The following PLEKHA6 variants were observed in gnomAD, a reference collection of about 807,000 sequenced individuals.
PLEKHA6 encodes pleckstrin homology domain containing A6.
In PLEKHA6, 60 loss-of-function variants were observed where a neutral mutation model predicts 116.7. The ratio of observed to expected loss-of-function variants is 0.51; its 90% CI spans 0.42 to 0.64. PLEKHA6 has a LOEUF of 0.64. Among genes scored for constraint, PLEKHA6 ranks in the 30% least tolerant of loss-of-function variants. The pLI is 0.00. For synonymous variants in PLEKHA6, 489 were observed against 556.1 expected (o/e 0.88, Z 1.70); for missense variants, 1,338 against 1,422.7 (o/e 0.94, Z 0.96).
chr1:204,261,283 A>G lies in PLEKHA6; in HGVS notation c.524+23T>C. 3 of 1,613,698 alleles carry G rather than the reference A, an allele frequency of 1.9e-6. No homozygotes were observed. The highest frequency in any genetic ancestry group is 2.5e-6 in the Non-Finnish European group (3 of 1,179,752). ...CCCTCTTTATTCTTCCTGCACCCCCACACTCAATTCCCTGGCACTCACCTG... is the reference window on the plus strand; with the variant it reads ...CCCTCTTTATTCTTCCTGCACCCCCGCACTCAATTCCCTGGCACTCACCTG... On this transcript the variant is annotated intron_variant, in intron 7 of 22. Transcript: ENST00000272203. This position sits in a 1 kb window ranked among gnomAD's most constrained non-coding sequence, Gnocchi z 4.0.
intron 1 of PLEKHA6, among the ~76,000 whole-genome samples, chr1:204,322,078 C>G (rs369105285): frequency 6.6e-6 from 1 of 152,236 alleles, no homozygotes; most frequent in Non-Finnish European, 1.5e-5. Context: ...CTTAGCTAGT[C>G]CTCGAATTAA....
intron 1 of PLEKHA6, chr1:204,280,481 CA>C: frequency 2.0e-6 from 2 of 984,246 alleles, no homozygotes; most frequent in Non-Finnish European, 2.4e-6. Context: ...CAAGCTGCTT[CA>C]TTTCCATAGC....
At position 204,330,266 on chromosome 1, in the gene PLEKHA6, C is replaced by T. The variant is rs569887161; in HGVS notation, c.-95+29428G>A. 5.9e-5 allele frequency among the ~76,000 whole-genome samples: 9 copies of T among 152,198 alleles called. No homozygotes were observed. In the South Asian group the frequency reaches 1.0e-3, roughly 18 times the overall value. On this transcript the variant is annotated intron_variant, in intron 1 of 22. Transcript: ENST00000272203. Reference sequence around the variant, plus strand: ...TGCCCGCCTTGACCTCCCCAAGTGCCGGGATTACAAGCATGAGCCACTGCA... The same window carrying T: ...TGCCCGCCTTGACCTCCCCAAGTGCTGGGATTACAAGCATGAGCCACTGCA...
intron 17 of PLEKHA6, among the ~76,000 whole-genome samples, chr1:204,237,251 A>G (rs1017002547): frequency 6.6e-6 from 1 of 152,230 alleles, no homozygotes; most frequent in South Asian, 2.1e-4. Context: ...TGGCATAGAT[A>G]TACTTAGCAG....
rs1201608543 is a variant in PLEKHA6, at chr1:204,261,361, C to T, written c.469G>A (p.Ala157Thr). The change falls in exon 7 of 23, where the codon GCT becomes ACT. Residue 157 changes from alanine (A) to threonine (T), a missense_variant. Physicochemically the swap from Ala to Thr is moderately conservative, Grantham distance 58. Transcript: ENST00000272203. The surrounding 1 kb of genome is among the most constrained non-coding windows in gnomAD (Gnocchi z 4.0). ...TGGGCTGGAGGGATCTGTACTCGAG[C>T]AGCCTCCCCCATGGCCTGGATCCAG... ...EAWIQAMGEA[A>T]RVQIPPAQKS... The T allele has an allele frequency of 2.5e-6, 4 of 1,614,190 alleles. No individual in the cohort carries two copies. Among genetic ancestry groups the T allele is most frequent in the Middle Eastern group, 1.6e-4 (1 of 6,062 alleles).
intron 1 of PLEKHA6, chr1:204,309,620 A>C: frequency 4.7e-6 from 2 of 426,008 alleles, no homozygotes. Flanking sequence ...ATGACAACAA[A>C]CTTGCCTAAA....
chr1:204,307,893 C>T (rs1671453940), intron 1 of PLEKHA6: 1 of 985,248 alleles, frequency 1.0e-6, no homozygotes, highest in African/African-American at 1.7e-5. Flanking sequence ...AGGATCGAGG[C>T]AATAAGGGCA....
In PLEKHA6 at chr1:204,230,587, C is replaced by A; in HGVS notation, c.2410-1G>T. 1.3e-6 allele frequency: 2 copies of A among 1,598,144 alleles called. No homozygotes were observed. Among genetic ancestry groups the A allele is most frequent in the Non-Finnish European group, 8.5e-7 (1 of 1,172,532 alleles). Reference sequence around the variant, plus strand: ...GAAACACAGCACTCTTGGGGCGTTCCTGCTGCCATGGGAAAACAGGGCTCT... The same window carrying A: ...GAAACACAGCACTCTTGGGGCGTTCATGCTGCCATGGGAAAACAGGGCTCT... On this transcript the variant is annotated splice_acceptor_variant, in intron 17 of 22. Coordinates refer to ENST00000272203, the MANE Select transcript of PLEKHA6 (RefSeq NM_014935.5). LOFTEE classifies it high-confidence loss of function.
chr1:204,332,612 C>T (rs932619322), intron 1 of PLEKHA6, among the ~76,000 whole-genome samples: 3 of 152,172 alleles, frequency 2.0e-5, no homozygotes, highest in African/African-American at 7.2e-5. Flanking sequence ...GAACTCTTGA[C>T]CTCGTGATCC....
intron 12 of PLEKHA6, 93 bp downstream of exon 12, chr1:204,248,728 A>G (rs1034243989): frequency 3.3e-6 from 4 of 1,206,600 alleles, no homozygotes; most frequent in Admixed American, 1.9e-5. Flanking sequence ...TCCTCTGAGG[A>G]AAACTGGACT....
intron 9 of PLEKHA6, chr1:204,255,728 G>A (rs1402939055): frequency 1.4e-6 from 1 of 699,494 alleles, no homozygotes; most frequent in East Asian, 2.7e-5. Flanking sequence ...CAAACAAACA[G>A]GAACACACAA....
chr1:204,232,322 G>A (rs1037618463), intron 17 of PLEKHA6, among the ~76,000 whole-genome samples: 2 of 152,110 alleles, frequency 1.3e-5, no homozygotes, highest in Non-Finnish European at 1.5e-5. Flanking sequence ...TTTTTATTTG[G>A]GAGGTTCTCA....
intron 1 of PLEKHA6, among the ~76,000 whole-genome samples, chr1:204,296,277 G>T (rs1300944937): frequency 6.6e-6 from 1 of 152,086 alleles, no homozygotes. Flanking sequence ...TGGCCTCCTG[G>T]TTCCCGTCTC....
At chr1:204,288,476 T>C (rs1669424287) in intron 1 of PLEKHA6, among the ~76,000 whole-genome samples, 1 of 152,182 alleles carries the variant, frequency 6.6e-6, no homozygotes, top group Admixed American at 6.5e-5. Context: ...GATGCCCAAT[T>C]GGATGAGCCC....
rs10567692 is a variant in PLEKHA6, at chr1:204,276,637, G to GACACACACAC, written c.-94-1838_-94-1829dup. Among the ~76,000 whole-genome samples the GACACACACAC allele has an allele frequency of 8.0e-5, 11 of 136,828 alleles. No homozygotes were observed. The South Asian group carries it at 1.6e-3, about 19-fold the overall frequency. The allele number at this position is 136,828 out of a possible 152,430, so 89.8% of individuals were successfully genotyped here. A position where few individuals can be genotyped will look rare whatever the true frequency, so the allele number is the denominator to read the frequency against. On this transcript the variant is annotated intron_variant, in intron 1 of 22. Coordinates refer to ENST00000272203, the MANE Select transcript of PLEKHA6 (RefSeq NM_014935.5). ...AATCTTCCCTGCAGGCACTGGCACAGACACACACACACACACACACACACA... is the reference window on the plus strand; with the variant it reads ...AATCTTCCCTGCAGGCACTGGCACAGACACACACACACACACACACACACACACACACACA...
chr1:204,221,050 TG>T lies in PLEKHA6; in HGVS notation c.*1737del, dbSNP rs1460899878. 1 of 152,222 alleles carries T rather than the reference TG, an allele frequency of 6.6e-6. No individual in the cohort carries two copies. The highest frequency in any genetic ancestry group is 2.1e-4 in the South Asian group (1 of 4,824). 9.4% of individuals were successfully genotyped at this position (152,222 alleles called of 1,614,324 possible). Reference sequence around the variant, plus strand: ...GTCTGCAGGGGAGAAAGGGCAGGTTTGGGGTGCTTGAACTGTGAAGATGGGA... The same window carrying T: ...GTCTGCAGGGGAGAAAGGGCAGGTTTGGGTGCTTGAACTGTGAAGATGGGA... On this transcript the variant is annotated 3_prime_UTR_variant, in exon 23 of 23. Transcript: ENST00000272203.
rs1442335585 is a variant in PLEKHA6 at position 204,301,358 on chromosome 1, A to G, written c.-94-26549T>C. 4.1e-6 allele frequency: 4 copies of G among 966,404 alleles called. No homozygotes were observed. The African/African-American group carries it at 7.0e-5, about 17-fold the overall frequency. The allele number at this position is 966,404 out of a possible 1,614,324, so 59.9% of individuals were successfully genotyped here. A position where few individuals can be genotyped will look rare whatever the true frequency, so the allele number is the denominator to read the frequency against. ...CTGGGAATGCATGTTGGCATGGGAC[A>G]GGGGAGAGGATTCAAAGAACAGCTC... On this transcript the variant is annotated intron_variant, in intron 1 of 22. Transcript: ENST00000272203.
chr1:204,248,020 A>G (rs1414390713), intron 12 of PLEKHA6, among the ~76,000 whole-genome samples: 1 of 151,614 alleles, frequency 6.6e-6, no homozygotes, highest in Non-Finnish European at 1.5e-5. Flanking sequence ...TATTATTCAG[A>G]GGTTAGAGAG....
intron 1 of PLEKHA6, among the ~76,000 whole-genome samples, chr1:204,308,256 T>C (rs922017688): frequency 2.6e-5 from 4 of 152,084 alleles, no homozygotes; most frequent in Non-Finnish European, 4.4e-5. Context: ...AGAAGGAAAA[T>C]AAGAGGCTTA....
Sources: allele counts gnomAD v4.1 joint callset (sites outside exome capture counted in the v4.1 genomes callset), GRCh38; gene constraint gnomAD v4.1.1; non-coding constraint Gnocchi (gnomAD v3.1); transcripts MANE v1.5; gene names NCBI Gene and HGNC (gene_info 2026-07-23, HGNC 2026-07-21).